Variants in CSRNP3 observed in about 807,000 individuals in gnomAD.
CSRNP3 encodes the protein cysteine and serine rich nuclear protein 3.
CSRNP3 carries 12 observed loss-of-function variants against 48.0 expected under a neutral mutation model. The ratio of observed to expected loss-of-function variants is 0.25; its 90% confidence interval spans 0.16 to 0.41. The LOEUF (loss-of-function observed/expected upper bound fraction) is 0.41, where lower values mean the gene tolerates loss of function less well. Ranked by LOEUF, CSRNP3 falls within the 10% of genes least tolerant of loss-of-function variation. The probability of loss-of-function intolerance (pLI) is 1.00; values close to 1 mark genes in which losing one functional copy is unlikely to be tolerated. For missense variants in CSRNP3, 580 were observed against 724.4 expected, an observed-to-expected ratio of 0.80 and a Z score of 2.29; for synonymous variants, 263 against 269.7, an observed-to-expected ratio of 0.98 and a Z score of 0.24.
At chr2:165,628,336 A>G (rs1044434497) in intron 4 of CSRNP3, among the ~76,000 whole-genome samples, 1 of 152,120 alleles carries the variant, frequency 6.6e-6, no homozygotes, top group South Asian at 2.1e-4. Context: ...TTGCAGACCA[A>G]TGTATCACAG....
chr2:165,620,828 T>C (rs1374434740), intron 4 of CSRNP3, among the ~76,000 whole-genome samples: 1 of 152,178 alleles, frequency 6.6e-6, no homozygotes, highest in Non-Finnish European at 1.5e-5. Context: ...ATAATTCCTT[T>C]ACTACAACCA....
chr2:165,600,604 T>C (rs1685898539), intron 4 of CSRNP3, among the ~76,000 whole-genome samples: 1 of 152,140 alleles, frequency 6.6e-6, no homozygotes, highest in Non-Finnish European at 1.5e-5. Context: ...TGTTGTTTCC[T>C]GACTTTTTAA....
chr2:165,477,929 GTCACCTCTTGGCAC>G lies in CSRNP3; in HGVS notation c.-283+8192_-283+8205del, dbSNP rs371533452. ...AAGGTGGAGGTTGCAGTGAGCCGAG[GTCACCTCTTGGCAC>G]TCCAGCCTGGGTGACAGAGTGAGAC... On this transcript the variant is annotated intron_variant, in intron 1 of 6. Coordinates refer to ENST00000651982, the MANE Select transcript of CSRNP3 (RefSeq NM_001172173.2). Among the ~76,000 whole-genome samples the G allele has an allele frequency of 5.6e-3, 839 of 149,738 alleles. 2 individuals carry two copies. Among genetic ancestry groups the G allele is most frequent in the Non-Finnish European group, 8.8e-3 (589 of 67,300 alleles).
chr2:165,643,077 T>G (rs1686751897), intron 4 of CSRNP3, among the ~76,000 whole-genome samples: 1 of 152,194 alleles, frequency 6.6e-6, no homozygotes, highest in South Asian at 2.1e-4. Flanking sequence ...GATGATGCAC[T>G]ATGAGCTAAA....
intron 1 of CSRNP3, among the ~76,000 whole-genome samples, chr2:165,474,516 T>C (rs543203106): frequency 4.1e-4 from 62 of 152,332 alleles, no homozygotes; most frequent in African/African-American, 1.5e-3. Context: ...AGTCTTTTAT[T>C]GCCCTAGAAA....
intron 4 of CSRNP3, among the ~76,000 whole-genome samples, chr2:165,657,095 C>T (rs1159850747): frequency 2.0e-5 from 3 of 152,164 alleles, no homozygotes; most frequent in Admixed American, 6.5e-5. Context: ...CATTCCCATT[C>T]CCCAAGGATT....
At position 165,484,073 on chromosome 2, in the gene CSRNP3, G is replaced by A. The variant is rs188281300; in HGVS notation, c.-282-10686G>A. Among the ~76,000 whole-genome samples, 435 of 152,210 alleles carry A rather than the reference G, an allele frequency of 2.9e-3. 1 individual carries two copies. The highest frequency in any genetic ancestry group is 9.8e-3 in the African/African-American group (406 of 41,556). On this transcript the variant is annotated intron_variant, in intron 1 of 6. Transcript: ENST00000651982. ...AAATGAATTATTGTATACGGAATCA[G>A]TAATAATGCAACAATTCCCATTAGA...
chr2:165,476,831 T>G (rs990366462), intron 1 of CSRNP3, among the ~76,000 whole-genome samples: 1 of 152,242 alleles, frequency 6.6e-6, no homozygotes. Flanking sequence ...TAGAGGACTT[T>G]TCAGTGCAGA....
intron 4 of CSRNP3, among the ~76,000 whole-genome samples, chr2:165,609,182 G>T (rs1185447633): frequency 6.6e-6 from 1 of 150,696 alleles, no homozygotes; most frequent in Non-Finnish European, 1.5e-5. Context: ...GAGGCCAGGC[G>T]CAGTGGCTCA....
At chr2:165,521,955 C>CA in intron 3 of CSRNP3, among the ~76,000 whole-genome samples, 1 of 152,228 alleles carries the variant, frequency 6.6e-6, no homozygotes, top group South Asian at 2.1e-4. Flanking sequence ...ACAACAACCA[C>CA]AAAACCTCCT....
At chr2:165,524,018 GGGTGTCAATGTCTAACA>G (rs1488374940) in intron 3 of CSRNP3, among the ~76,000 whole-genome samples, 1 of 152,040 alleles carries the variant, frequency 6.6e-6, no homozygotes, top group Non-Finnish European at 1.5e-5. Flanking sequence ...AATGTCTATG[GGGTGTCAATGTCTAACA>G]GGGACACACA....
chr2:165,579,820 T>C (rs768902740), intron 3 of CSRNP3, among the ~76,000 whole-genome samples: 22 of 152,162 alleles, frequency 1.4e-4, no homozygotes, highest in Non-Finnish European at 2.9e-4. Flanking sequence ...TCTACATTTT[T>C]ACTTAAAAAT....
Position 165,676,366 on chromosome 2 carries a change from G to T in CSRNP3, c.463G>T (p.Asp155Tyr). 1 of 1,614,072 alleles carries T rather than the reference G, an allele frequency of 6.2e-7. No individual in the cohort carries two copies. Among genetic ancestry groups the T allele is most frequent in the Non-Finnish European group, 8.5e-7 (1 of 1,179,944 alleles). Residue 155 changes from aspartate to tyrosine, a missense_variant, in exon 6 of 7, where the codon GAC becomes TAC. By Grantham distance (160) the Asp-to-Tyr change is radical. Around this residue, in one of 4 missense-constraint regions of CSRNP3, gnomAD observed 62 missense variants for 66.4 expected, o/e 0.93. Transcript: ENST00000651982. ...SEEASTLTLDDISDDDIDLDN... is the reference protein window; with the variant it reads ...SEEASTLTLDYISDDDIDLDN... The stretch of plus-strand genomic sequence containing the variant: ...AGAAGCCAGCACTCTTACACTGGAT[G>T]ACATTTCTGATGATGACATTGACCT...
chr2:165,480,644 C>T (rs1684027894), intron 1 of CSRNP3, among the ~76,000 whole-genome samples: 1 of 151,624 alleles, frequency 6.6e-6, no homozygotes, highest in Non-Finnish European at 1.5e-5. Flanking sequence ...TATAAATTGG[C>T]AGAACCTTAC....
chr2:165,613,981 CT>C (rs546017999), intron 4 of CSRNP3, among the ~76,000 whole-genome samples: 108 of 151,768 alleles, frequency 7.1e-4, no homozygotes, highest in African/African-American at 2.3e-3. Flanking sequence ...TTGTAAATTG[CT>C]TTGAGTAGTA....
chr2:165,678,948 A>G lies in CSRNP3; in HGVS notation c.953A>G (p.Glu318Gly). 6.2e-7 allele frequency: 1 copy of G among 1,613,938 alleles called. No individual in the cohort carries two copies. The highest frequency in any genetic ancestry group is 8.5e-7 in the Non-Finnish European group (1 of 1,179,992). ...GAATATTCAATCGCAGACAGTTTTG[A>G]GATTGAAACTGAGCCCCAGGCTGCA... Reference protein sequence around the residue: ...SVEYSIADSFEIETEPQAAVL... With the variant: ...SVEYSIADSFGIETEPQAAVL... The change falls in exon 7 of 7, where the codon GAG becomes GGG. Residue 318 changes from glutamate (E) to glycine (G), a missense_variant. By Grantham distance (98) the Glu-to-Gly change is moderately conservative (BLOSUM62 -2). Transcript: ENST00000651982.
intron 5 of CSRNP3, among the ~76,000 whole-genome samples, chr2:165,671,682 T>A (rs1687333885): frequency 6.6e-6 from 1 of 152,234 alleles, no homozygotes; most frequent in African/African-American, 2.4e-5. Context: ...TTCCCCACTG[T>A]CTTGATGATT....
chr2:165,614,213 T>C (rs574057295), intron 4 of CSRNP3, among the ~76,000 whole-genome samples: 1 of 152,244 alleles, frequency 6.6e-6, no homozygotes, highest in East Asian at 1.9e-4. Context: ...AATTGATTTA[T>C]CTCTTTCTTT....
intron 3 of CSRNP3, among the ~76,000 whole-genome samples, chr2:165,546,374 G>T (rs1488273105): frequency 1.3e-5 from 2 of 151,992 alleles, no homozygotes; most frequent in Non-Finnish European, 2.9e-5. Flanking sequence ...TGTATTTTTA[G>T]TATAGATGGG....
Sources: gnomAD v4.1 joint callset for allele counts (sites outside exome capture counted in the v4.1 genomes callset) on GRCh38, gnomAD v4.1.1 for gene constraint, gnomAD v4.1.1 regional missense constraint, MANE v1.5 for transcripts, NCBI Gene and HGNC (gene_info 2026-07-23, HGNC 2026-07-21) for gene names.